TIPARP: variants seen among roughly 807,000 people sequenced by gnomAD.
The protein encoded by TIPARP is TCDD inducible poly(ADP-ribose) polymerase, also known as protein mono-ADP-ribosyltransferase TIPARP.
In TIPARP, 12 loss-of-function variants were observed where a neutral mutation model predicts 56.5. The ratio of observed to expected loss-of-function variants is 0.21; its 90% CI spans 0.14 to 0.34. TIPARP has a LOEUF of 0.34. Ranked by LOEUF, TIPARP falls within the 10% of genes least tolerant of loss-of-function variation. TIPARP has a pLI of 1.00. For synonymous variants in TIPARP, 296 were observed against 265.7 expected, an observed-to-expected ratio of 1.11 and a Z score of -1.11; for missense variants, 604 against 781.6, an observed-to-expected ratio of 0.77 and a Z score of 2.71.
At chr3:156,678,701 C>T in intron 2 of TIPARP, 87 bp downstream of exon 2, 1 of 1,172,290 alleles carries the variant, frequency 8.5e-7, no homozygotes. Flanking sequence ...TGGTTTCTTT[C>T]AGTAGTAACA....
intron 2 of TIPARP, among the ~76,000 whole-genome samples, chr3:156,690,466 A>G (rs905421712): frequency 4.6e-5 from 7 of 152,178 alleles, no homozygotes; most frequent in African/African-American, 1.7e-4. Context: ...GAATAAGAGG[A>G]GAACCATTGT....
At chr3:156,703,731 C>T (rs150597458) in intron 5 of TIPARP, 29 bp downstream of exon 5, 42 of 1,583,482 alleles carry the variant, frequency 2.7e-5, no homozygotes, top group Admixed American at 2.1e-4. Flanking sequence ...AAGTTCAAGA[C>T]GGCCGGGCGC....
Position 156,686,557 on chromosome 3 carries a change from A to C in TIPARP, c.918-7463A>C, listed in dbSNP as rs535126008. Among the ~76,000 whole-genome samples the C allele has an allele frequency of 9.2e-5, 14 of 152,324 alleles. No individual in the cohort carries two copies. The East Asian group carries it at 2.5e-3, about 27-fold the overall frequency. ...TCTGGGTTCTTAGCATCAAATACGT[A>C]ATAAGTCACCAATGAGTATATTTCT... On this transcript the variant is annotated intron_variant, in intron 2 of 5. Transcript: ENST00000295924.
chr3:156,700,128 CAG>C, intron 4 of TIPARP, among the ~76,000 whole-genome samples: 1 of 151,346 alleles, frequency 6.6e-6, no homozygotes, highest in Non-Finnish European at 1.5e-5. Context: ...TTTTTAGAGA[CAG>C]AATTTCCTCT....
At chr3:156,698,482 GA>G (rs906636433) in intron 4 of TIPARP, among the ~76,000 whole-genome samples, 2 of 152,260 alleles carry the variant, frequency 1.3e-5, no homozygotes, top group South Asian at 2.1e-4. Context: ...TAGGGCCCTT[GA>G]AAATTGTGCT....
intron 4 of TIPARP, among the ~76,000 whole-genome samples, chr3:156,698,000 G>A (rs751841129): frequency 6.6e-6 from 1 of 152,164 alleles, no homozygotes; most frequent in Non-Finnish European, 1.5e-5. Flanking sequence ...GTAAGCACAC[G>A]AATTATAAGA....
At chr3:156,704,458 AGATTT>A (rs1559977983) in intron 5 of TIPARP, among the ~76,000 whole-genome samples, 1 of 152,242 alleles carries the variant, frequency 6.6e-6, no homozygotes, top group African/African-American at 2.4e-5. Flanking sequence ...AACTCTTAAT[AGATTT>A]AAGATGAAAG....
In TIPARP at chr3:156,678,127, T is replaced by C. The variant is rs766210307; in HGVS notation, c.430T>C (p.Ser144Pro). Residue 144 changes from serine (S) to proline (P), a missense_variant, in exon 2 of 6, where the codon TCA becomes CCA. Ser to Pro is a moderately conservative substitution (Grantham distance 74). Coordinates refer to ENST00000295924, the MANE Select transcript of TIPARP (RefSeq NM_015508.5). ...VVPIQDHSFP[S>P]ETLSGTVADS... Reference sequence around the variant, plus strand: ...TCCAATCCAAGATCACAGCTTTCCATCAGAAACCCTCAGTGGGACGGTGGC... The same window carrying C: ...TCCAATCCAAGATCACAGCTTTCCACCAGAAACCCTCAGTGGGACGGTGGC... 6.2e-7 allele frequency: 1 copy of C among 1,614,110 alleles called. No individual in the cohort carries two copies. The highest frequency in any genetic ancestry group is 1.1e-5 in the South Asian group (1 of 91,090).
chr3:156,696,861 G>T lies in TIPARP; in HGVS notation c.1247+836G>T, dbSNP rs1016564991. 3.9e-5 allele frequency among the ~76,000 whole-genome samples: 6 copies of T among 152,086 alleles called. No individual in the cohort carries two copies. In the East Asian group the frequency reaches 7.7e-4, roughly 19 times the overall value. On this transcript the variant is annotated intron_variant, in intron 4 of 5. Coordinates refer to ENST00000295924, the MANE Select transcript of TIPARP (RefSeq NM_015508.5). ...CTTTAGAAGTCTAGCGTAATGGTTG[G>T]TTTTTTTGTGCTGATCTTTGAGGAA...
Position 156,678,545 on chromosome 3 carries a change from A to G in TIPARP, c.848A>G (p.Asn283Ser), listed in dbSNP as rs145662613. The G allele has an allele frequency of 5.5e-5, 89 of 1,614,216 alleles. No homozygotes were observed. Among genetic ancestry groups the G allele is most frequent in the East Asian group, 2.9e-4 (13 of 44,892 alleles). The change falls in exon 2 of 6, where the codon AAT (asparagine) becomes AGT (serine). Residue 283 changes from asparagine (N) to serine (S), a missense_variant. Asn to Ser is a conservative substitution (Grantham distance 46). Around this residue, in one of 4 missense-constraint regions of TIPARP, gnomAD observed 252 missense variants for 303.9 expected, o/e 0.83. Transcript: ENST00000295924. ...ACTCAAAAGTGGCAGAGTGTATTCA[A>G]TGATTCTCAGGAGCACTTGGAAAGA... The part of the protein sequence containing the change: ...TTTQKWQSVF[N>S]DSQEHLERFY...
chr3:156,696,289 A>G (rs1423478953), intron 4 of TIPARP, among the ~76,000 whole-genome samples: 1 of 152,150 alleles, frequency 6.6e-6, no homozygotes, highest in Non-Finnish European at 1.5e-5. Flanking sequence ...TGTGTCTGGA[A>G]TGAGTCACAG....
At chr3:156,691,484 A>G (rs1324358911) in intron 2 of TIPARP, among the ~76,000 whole-genome samples, 2 of 152,134 alleles carry the variant, frequency 1.3e-5, no homozygotes, top group African/African-American at 2.4e-5. Flanking sequence ...CAGGGACTAC[A>G]TCTGTTTAAT....
At position 156,678,149 on chromosome 3, in the gene TIPARP, T is replaced by G; in HGVS notation, c.452T>G (p.Val151Gly). ...CCATCAGAAACCCTCAGTGGGACGGTGGCAGATTCCACACCAGCTCACTTC... is the reference window on the plus strand; with the variant it reads ...CCATCAGAAACCCTCAGTGGGACGGGGGCAGATTCCACACCAGCTCACTTC... Reference protein sequence around the residue: ...SFPSETLSGTVADSTPAHFQT... With the variant: ...SFPSETLSGTGADSTPAHFQT... The change falls in exon 2 of 6, where the codon GTG (valine) becomes GGG (glycine). Residue 151 changes from valine to glycine, a missense_variant. Physicochemically the swap from Val to Gly is moderately radical, Grantham distance 109 (BLOSUM62 -3). Around this residue, in one of 4 missense-constraint regions of TIPARP, gnomAD observed 261 missense variants for 279.2 expected, o/e 0.93. Transcript: ENST00000295924. The G allele has an allele frequency of 6.2e-7, 1 of 1,614,058 alleles. No individual in the cohort carries two copies. Among genetic ancestry groups the G allele is most frequent in the Non-Finnish European group, 8.5e-7 (1 of 1,180,014 alleles).
At chr3:156,687,010 C>T (rs931968807) in intron 2 of TIPARP, among the ~76,000 whole-genome samples, 1 of 152,144 alleles carries the variant, frequency 6.6e-6, no homozygotes, top group South Asian at 2.1e-4. Flanking sequence ...ATAGAAACCT[C>T]TCAGTTTTAA....
In TIPARP at chr3:156,705,095, C is replaced by T. The variant is rs921159014; in HGVS notation, c.1938C>T (p.Ile646=). The change falls in exon 6 of 6, where the codon ATC becomes ATT. Residue 646 remains isoleucine (I), a synonymous_variant. Transcript: ENST00000295924. ...ACCAGAGTTACCCTTATTTTGTTAT[C>T]CAATATGAAGAAGTCAGTAACACTG... ...NDDQSYPYFV[I]QYEEVSNTVS... 2 of 1,609,436 alleles carry T rather than the reference C, an allele frequency of 1.2e-6. No homozygotes were observed. Among genetic ancestry groups the T allele is most frequent in the African/African-American group, 1.3e-5 (1 of 74,532 alleles).
In TIPARP at chr3:156,695,925, A is replaced by T; in HGVS notation, c.1147A>T (p.Met383Leu). 6.3e-7 allele frequency: 1 copy of T among 1,598,500 alleles called. No individual in the cohort carries two copies. The highest frequency in any genetic ancestry group is 8.5e-7 in the Non-Finnish European group (1 of 1,175,458). ...SRGLKEVRFM[M>L]WNNHYILHNS... Reference sequence around the variant, plus strand: ...GGGTCTGAAAGAGGTTCGATTTATGATGTGGAATAACCACTACATCCTCCA... The same window carrying T: ...GGGTCTGAAAGAGGTTCGATTTATGTTGTGGAATAACCACTACATCCTCCA... Residue 383 changes from methionine to leucine, a missense_variant, in exon 4 of 6, where the codon ATG (methionine) becomes TTG (leucine). Coordinates refer to ENST00000295924, the MANE Select transcript of TIPARP (RefSeq NM_015508.5).
intron 2 of TIPARP, among the ~76,000 whole-genome samples, chr3:156,680,743 A>G (rs901216056): frequency 3.3e-5 from 5 of 152,226 alleles, no homozygotes; most frequent in South Asian, 2.1e-4. Flanking sequence ...TTGCTTAAGA[A>G]TAGACATAGA....
chr3:156,682,393 TAAGGCTAG>T (rs1722331028), intron 2 of TIPARP, among the ~76,000 whole-genome samples: 2 of 152,210 alleles, frequency 1.3e-5, no homozygotes, highest in Non-Finnish European at 2.9e-5. Flanking sequence ...CTTTAAGGCT[TAAGGCTAG>T]AGTGTTGTCA....
At chr3:156,676,862 A>G (rs1447869497) in intron 1 of TIPARP, among the ~76,000 whole-genome samples, 2 of 151,866 alleles carry the variant, frequency 1.3e-5, no homozygotes, top group Admixed American at 6.6e-5. Context: ...AAATGTATGT[A>G]TGTAACTTTT....
Sources: gnomAD v4.1 joint callset for allele counts (sites outside exome capture counted in the v4.1 genomes callset) on GRCh38, gnomAD v4.1.1 for gene constraint, gnomAD v4.1.1 regional missense constraint, MANE v1.5 for transcripts, NCBI Gene and HGNC (gene_info 2026-07-23, HGNC 2026-07-21) for gene names.